SLC38A11: variants seen among roughly 807,000 people sequenced by gnomAD.
SLC38A11 encodes solute carrier family 38 member 11, also known as putative sodium-coupled neutral amino acid transporter 11.
In SLC38A11, 51 loss-of-function variants were observed where a neutral mutation model predicts 49.4. The observed-to-expected ratio is 1.03, with a 90% CI of 0.83 to 1.30. The LOEUF is 1.30. Ranked by LOEUF, SLC38A11 falls within the 50% of genes most tolerant of loss-of-function variation. SLC38A11 has a pLI of 0.00. For missense variants in SLC38A11, 574 were observed against 556.2 expected (o/e 1.03, Z -0.32); for synonymous variants, 203 against 192.9 (o/e 1.05, Z -0.43).
In SLC38A11 at chr2:164,954,618, C is replaced by A; in HGVS notation, c.154+13G>T. On this transcript the variant is annotated intron_variant, in intron 2 of 11. Coordinates refer to ENST00000685975, the MANE Select transcript of SLC38A11 (RefSeq NM_001351537.2). ...CTTTCACTTAAAATTTAAACCAAAG[C>A]AAATACACTTACCTATTATACCAGA... 1.5e-6 allele frequency: 2 copies of A among 1,373,128 alleles called. No homozygotes were observed. The highest frequency in any genetic ancestry group is 9.8e-7 in the Non-Finnish European group (1 of 1,020,716). The allele number at this position is 1,373,128 out of a possible 1,614,324, so 85.1% of individuals were successfully genotyped here.
intron 7 of SLC38A11, among the ~76,000 whole-genome samples, chr2:164,923,734 T>C (rs1377615186): frequency 3.3e-5 from 5 of 151,886 alleles, no homozygotes; most frequent in Non-Finnish European, 1.5e-5. Flanking sequence ...AAGGTCAAAG[T>C]TGCAGTGAGC....
At chr2:164,926,903 A>T in intron 7 of SLC38A11, among the ~76,000 whole-genome samples, 1 of 150,524 alleles carries the variant, frequency 6.6e-6, no homozygotes, top group Admixed American at 6.6e-5. Context: ...TAGGAGATAT[A>T]CCTAATGTAA....
intron 9 of SLC38A11, among the ~76,000 whole-genome samples, chr2:164,913,539 G>A (rs1410335501): frequency 6.6e-5 from 10 of 152,002 alleles, no homozygotes; most frequent in Non-Finnish European, 1.5e-4. Context: ...AATCTAAGTT[G>A]TATTTTAAAG....
chr2:164,906,069 G>A (rs1038803781), intron 11 of SLC38A11, among the ~76,000 whole-genome samples: 2 of 152,174 alleles, frequency 1.3e-5, no homozygotes, highest in East Asian at 1.9e-4. Flanking sequence ...CCTGAAAAAT[G>A]AGCAATATGT....
rs749857957 is a variant in SLC38A11 at position 164,915,201 on chromosome 2, C to T, written c.761G>A (p.Arg254His). The T allele has an allele frequency of 2.9e-5, 46 of 1,611,914 alleles. 1 individual carries two copies. The South Asian group carries it at 3.0e-4, about 10-fold the overall frequency. ...LEEPTVAKWS[R>H]LIHMSIVISV... ...AATCACGATGGACATATGGATAAGG[C>T]GGGACCACTTAGCTACTGTGGGTTC... The change falls in exon 9 of 12, where the codon CGC becomes CAC. Residue 254 changes from arginine to histidine, a missense_variant. Transcript: ENST00000685975.
intron 10 of SLC38A11, among the ~76,000 whole-genome samples, chr2:164,909,377 T>A (rs1183242752): frequency 6.6e-6 from 1 of 152,078 alleles, no homozygotes; most frequent in Non-Finnish European, 1.5e-5. Flanking sequence ...TATTATGATA[T>A]GGTTTGCAAA....
rs998443568 is a variant in SLC38A11, at chr2:164,894,697, C to G, written c.*3740G>C. On this transcript the variant is annotated 3_prime_UTR_variant, in exon 12 of 12. Transcript: ENST00000685975. ...TTGGGGTTGTAATCTCTATTTTCTC[C>G]CTTGTTAATTCTCCTCCCATGTCCT... Among the ~76,000 whole-genome samples the G allele has an allele frequency of 6.6e-5, 10 of 152,106 alleles. No homozygotes were observed. Among genetic ancestry groups the G allele is most frequent in the Admixed American group, 3.3e-4 (5 of 15,240 alleles).
At chr2:164,920,769 G>A (rs1187338950) in intron 7 of SLC38A11, among the ~76,000 whole-genome samples, 2 of 152,060 alleles carry the variant, frequency 1.3e-5, no homozygotes, top group Non-Finnish European at 2.9e-5. Flanking sequence ...TGGATAGAGG[G>A]TATACAACAC....
chr2:164,948,564 A>C (rs1197205097), intron 3 of SLC38A11, among the ~76,000 whole-genome samples: 1 of 152,148 alleles, frequency 6.6e-6, no homozygotes, highest in African/African-American at 2.4e-5. Context: ...TTAAAATCCC[A>C]ACTCTATTGC....
At chr2:164,933,312 T>C (rs1687139296) in intron 7 of SLC38A11, among the ~76,000 whole-genome samples, 1 of 152,054 alleles carries the variant, frequency 6.6e-6, no homozygotes, top group Non-Finnish European at 1.5e-5. Context: ...TGTTATTGTA[T>C]TTTTATACTA....
chr2:164,909,618 A>G (rs532653795), intron 10 of SLC38A11, among the ~76,000 whole-genome samples: 1 of 151,706 alleles, frequency 6.6e-6, no homozygotes, highest in Non-Finnish European at 1.5e-5. Context: ...GGCTTGAAAC[A>G]TGCACAGGAT....
intron 5 of SLC38A11, among the ~76,000 whole-genome samples, chr2:164,944,048 G>T (rs1189479190): frequency 2.0e-5 from 3 of 152,018 alleles, no homozygotes; most frequent in Non-Finnish European, 2.9e-5. Context: ...TAGAGATGAG[G>T]TTTCACTATG....
intron 3 of SLC38A11, among the ~76,000 whole-genome samples, chr2:164,951,314 T>C (rs1032319338): frequency 1.3e-5 from 2 of 152,160 alleles, no homozygotes; most frequent in African/African-American, 4.8e-5. Flanking sequence ...TCAGTGCTGA[T>C]GGGAAACAGG....
Position 164,926,125 on chromosome 2 carries a change from T to A in SLC38A11, c.618-10152A>T, listed in dbSNP as rs147290198. 1.6e-3 allele frequency among the ~76,000 whole-genome samples: 243 copies of A among 152,292 alleles called. 1 individual carries two copies. Among genetic ancestry groups the A allele is most frequent in the Non-Finnish European group, 2.7e-3 (185 of 68,016 alleles). On this transcript the variant is annotated intron_variant, in intron 7 of 11. Transcript: ENST00000685975. ...GCCTGGATGCTTGGTTTGCTATAGA[T>A]AGCCTCCTTCCAGGTCTTTATATTC...
Position 164,895,608 on chromosome 2 carries a change from G to C in SLC38A11, c.*2829C>G, listed in dbSNP as rs2105435321. On this transcript the variant is annotated 3_prime_UTR_variant, in exon 12 of 12. Transcript: ENST00000685975. The stretch of plus-strand genomic sequence containing the variant: ...TTCTTAGTTTGGTTAAATGGATGCA[G>C]TCTCCTTTTAAGAAAGACAAGGGGC... 3 of 152,316 alleles carry C rather than the reference G, an allele frequency of 2.0e-5. No individual in the cohort carries two copies. In the South Asian group the frequency reaches 6.2e-4, roughly 32 times the overall value. 9.4% of individuals were successfully genotyped at this position (152,316 alleles called of 1,614,324 possible).
At chr2:164,950,018 A>G (rs2105518548) in intron 3 of SLC38A11, 1 of 152,374 alleles carries the variant, frequency 6.6e-6, no homozygotes. Flanking sequence ...TGGAGGACTG[A>G]TGAGAAAGTA....
In SLC38A11 at chr2:164,937,409, A is replaced by T; in HGVS notation, c.558T>A (p.Gly186=). Residue 186 remains glycine (G), a synonymous_variant, in exon 7 of 12, where the codon GGT becomes GGA. Coordinates refer to ENST00000685975, the MANE Select transcript of SLC38A11 (RefSeq NM_001351537.2). The stretch of plus-strand genomic sequence containing the variant: ...CAATTCCAAGAATCAGAGTTGTTAA[A>T]CCTGTAGAGATGAGGGAGACCTGTA... ...KLGKVSLIST[G]LTTLILGIVM... is the part of the protein sequence containing the mutation. 3 of 1,610,568 alleles carry T rather than the reference A, an allele frequency of 1.9e-6. No individual in the cohort carries two copies. Among genetic ancestry groups the T allele is most frequent in the Non-Finnish European group, 2.5e-6 (3 of 1,177,180 alleles).
In SLC38A11 at chr2:164,915,248, GA is replaced by G; in HGVS notation, c.713del (p.Phe238SerfsTer2). The G allele has an allele frequency of 6.2e-7, 1 of 1,606,932 alleles. No homozygotes were observed. Among genetic ancestry groups the G allele is most frequent in the Non-Finnish European group, 8.5e-7 (1 of 1,176,896 alleles). On this transcript the variant is annotated frameshift_variant, in exon 9 of 12. Transcript: ENST00000685975. LOFTEE classifies it high-confidence loss of function. ...GTTCTTCTAGAGAACTGTAAACTAA[GA>G]AGGAGTTATGGTGGCAAATAAATGC... ...SFAFICHHNSFLVYSSLEEPT... is the reference protein window; with the variant it reads ...SFAFICHHNSXLVYSSLEEPT...
chr2:164,950,232 C>CA (rs750010839), intron 3 of SLC38A11: 3 of 152,120 alleles, frequency 2.0e-5, no homozygotes, highest in Non-Finnish European at 4.4e-5. Context: ...ACAGAGTTGG[C>CA]ATTGATTCTC....
Sources: allele counts gnomAD v4.1 joint callset (sites outside exome capture counted in the v4.1 genomes callset), GRCh38; gene constraint gnomAD v4.1.1; transcripts MANE v1.5; gene names NCBI Gene and HGNC (gene_info 2026-07-23, HGNC 2026-07-21).